CDON: variants seen among roughly 807,000 people sequenced by gnomAD.
CDON encodes cell adhesion molecule-related/down-regulated by oncogenes.
A neutral mutation model predicts 120.9 loss-of-function variants in CDON; 73 were observed. The ratio of observed to expected loss-of-function variants is 0.60; its 90% CI spans 0.50 to 0.73. The LOEUF (loss-of-function observed/expected upper bound fraction) is 0.73. CDON is among the 30% of genes least tolerant of loss of function. The pLI is 0.00. For missense variants in CDON, 1,470 were observed against 1,587.3 expected (o/e 0.93, Z 1.26); for synonymous variants, 566 against 573.5 (o/e 0.99, Z 0.19).
intron 14 of CDON, among the ~76,000 whole-genome samples, chr11:125,992,147 A>G (rs1220652424): frequency 6.6e-6 from 1 of 152,132 alleles, no homozygotes; most frequent in Non-Finnish European, 1.5e-5. Context: ...TCTGTCAAAA[A>G]ATTCTTAAAA....
At chr11:126,050,963 G>C (rs1311504552) in intron 1 of CDON, among the ~76,000 whole-genome samples, 1 of 152,076 alleles carries the variant, frequency 6.6e-6, no homozygotes, top group Non-Finnish European at 1.5e-5. Context: ...GTATTTCTCA[G>C]TGAATGAGAA....
chr11:125,964,163 C>G (rs527843626), intron 18 of CDON, among the ~76,000 whole-genome samples: 1 of 152,328 alleles, frequency 6.6e-6, no homozygotes, highest in Admixed American at 6.5e-5. Flanking sequence ...TGCATGGAAT[C>G]TACAGACTCT....
rs1381871783 is a variant in CDON, at chr11:126,062,766, C to CGCTGG, written c.-254_-250dup. On this transcript the variant is annotated 5_prime_UTR_variant, in exon 1 of 20. Coordinates refer to ENST00000531738, the MANE Select transcript of CDON (RefSeq NM_001378964.1). ...GGCGCCTCGCACGCCGGGGCTGGGG[C>CGCTGG]GCTGGGCAGGGCGGGCGGGCGTGGG... The CGCTGG allele has an allele frequency of 3.3e-5, 5 of 151,790 alleles. No individual in the cohort carries two copies. Among genetic ancestry groups the CGCTGG allele is most frequent in the Admixed American group, 6.6e-5 (1 of 15,222 alleles). 9.4% of individuals were successfully genotyped at this position (151,790 alleles called of 1,614,324 possible).
At position 125,994,974 on chromosome 11, in the gene CDON, T is replaced by C. The variant is rs1555120762; in HGVS notation, c.2441A>G (p.Gln814Arg). 5.0e-6 allele frequency: 8 copies of C among 1,614,174 alleles called. No homozygotes were observed. The highest frequency in any genetic ancestry group is 6.8e-6 in the Non-Finnish European group (8 of 1,180,002). Residue 814 changes from glutamine (Q) to arginine (R), a missense_variant, in exon 13 of 20, where the codon CAA (glutamine) becomes CGA (arginine). Physicochemically the swap from Gln to Arg is conservative, Grantham distance 43. Coordinates refer to ENST00000531738, the MANE Select transcript of CDON (RefSeq NM_001378964.1). ...AAAGCGATTGGGGAACCCAACCACT[T>C]GATAAGGACGAGATGCTGAACTCCG... Reference protein sequence around the residue: ...SFRSSASRPYQVVGFPNRFSS... With the variant: ...SFRSSASRPYRVVGFPNRFSS...
intron 5 of CDON, 125 bp from the exon 6 acceptor site, chr11:126,017,500 T>A: frequency 1.1e-6 from 1 of 926,448 alleles, no homozygotes; most frequent in Non-Finnish European, 1.7e-6. Context: ...ATTTGGTGGT[T>A]AAATCCTTTT....
intron 16 of CDON, among the ~76,000 whole-genome samples, chr11:125,983,541 C>T (rs1479765362): frequency 6.6e-6 from 1 of 152,204 alleles, no homozygotes; most frequent in African/African-American, 2.4e-5. Flanking sequence ...GGTGTTCCTA[C>T]AGCAATTCCA....
chr11:125,961,101 G>A lies in CDON; in HGVS notation c.3636C>T (p.Asp1212=). The stretch of plus-strand genomic sequence containing the variant: ...TCTCTGTTTCTGAATGGGCACAGCT[G>A]TCTCCTGAAACACAGCAGGGTTTGG... ...SEDPAEFSRG[D]SCAHSETEIN... Residue 1212 remains aspartate (D), a synonymous_variant, in exon 20 of 20, where the codon GAC becomes GAT. Coordinates refer to ENST00000531738, the MANE Select transcript of CDON (RefSeq NM_001378964.1). 1.2e-6 allele frequency: 2 copies of A among 1,613,762 alleles called. No individual in the cohort carries two copies. Among genetic ancestry groups the A allele is most frequent in the Non-Finnish European group, 1.7e-6 (2 of 1,179,802 alleles).
rs186612706 is a variant in CDON at position 125,999,947 on chromosome 11, G to A, written c.2158+1772C>T. Among the ~76,000 whole-genome samples, 20 of 152,228 alleles carry A rather than the reference G, an allele frequency of 1.3e-4. No individual in the cohort carries two copies. In the South Asian group the frequency reaches 1.7e-3, roughly 13 times the overall value. On this transcript the variant is annotated intron_variant, in intron 11 of 19. Transcript: ENST00000531738. ...TAATAGAACATATCAGCCACTTGTCGAGATGTCTTTGCTAGAAACTCTTTT... is the reference window on the plus strand; with the variant it reads ...TAATAGAACATATCAGCCACTTGTCAAGATGTCTTTGCTAGAAACTCTTTT...
chr11:126,021,590 T>A, intron 2 of CDON, 70 bp from the exon 3 acceptor site: 1 of 1,279,702 alleles, frequency 7.8e-7, no homozygotes, highest in Non-Finnish European at 1.1e-6. Context: ...AAGATTACAT[T>A]AAACACATTT....
intron 1 of CDON, among the ~76,000 whole-genome samples, chr11:126,058,550 G>A (rs1458356335): frequency 1.3e-5 from 2 of 152,212 alleles, no homozygotes; most frequent in Admixed American, 1.3e-4. Context: ...CTACATGGGA[G>A]TAGGACGGAA....
At chr11:125,965,219 T>C (rs1945761813) in intron 18 of CDON, among the ~76,000 whole-genome samples, 1 of 152,152 alleles carries the variant, frequency 6.6e-6, no homozygotes, top group Non-Finnish European at 1.5e-5. Flanking sequence ...GCGTAAGCCA[T>C]CACGCCTGGC....
intron 1 of CDON, among the ~76,000 whole-genome samples, chr11:126,030,738 T>C (rs1195963945): frequency 6.6e-6 from 1 of 152,222 alleles, no homozygotes; most frequent in African/African-American, 2.4e-5. Flanking sequence ...TCAAGATTAG[T>C]GCAGTCCAAT....
intron 9 of CDON, chr11:126,005,487 G>A: frequency 2.1e-6 from 1 of 487,140 alleles, no homozygotes; most frequent in South Asian, 2.2e-5. Context: ...TGGTTATAGA[G>A]CTTTATGTTG....
In CDON at chr11:126,004,050, TC is replaced by T; in HGVS notation, c.1877del (p.Gly626GlufsTer17). 1 of 1,613,904 alleles carries T rather than the reference TC, an allele frequency of 6.2e-7. No individual in the cohort carries two copies. The highest frequency in any genetic ancestry group is 1.1e-5 in the South Asian group (1 of 91,068). Reference sequence around the variant, plus strand: ...CTGGGACTCGAACCGTGTGCCAGCTTCCCAGCATGCCAACCCCATCATCCAG... The same window carrying T: ...CTGGGACTCGAACCGTGTGCCAGCTTCCAGCATGCCAACCCCATCATCCAG... ...RKLDDGVGML[G>X]SWHTVRVPGS... is the part of the protein sequence containing the mutation. On this transcript the variant is annotated frameshift_variant, in exon 10 of 20. Transcript: ENST00000531738. LOFTEE classifies it high-confidence loss of function.
chr11:126,001,904 G>A, intron 10 of CDON, 54 bp from the exon 11 acceptor site: 2 of 1,340,624 alleles, frequency 1.5e-6, no homozygotes, highest in African/African-American at 1.4e-5. Flanking sequence ...TATGTAAAGT[G>A]GAAAAAAAAG....
intron 18 of CDON, among the ~76,000 whole-genome samples, chr11:125,965,910 G>C (rs541900910): frequency 6.6e-6 from 1 of 152,180 alleles, no homozygotes; most frequent in African/African-American, 2.4e-5. Context: ...CGAGGCAGAC[G>C]GATCACCTGA....
chr11:125,956,870 C>T lies in CDON; in HGVS notation c.*4072G>A. ...TATTAGATAAGGGGTTTCGGCTACC[C>T]TCAAAGCTCTCAGGACTGGGGCTAG... On this transcript the variant is annotated 3_prime_UTR_variant, in exon 20 of 20. Transcript: ENST00000531738. 1 of 985,366 alleles carries T rather than the reference C, an allele frequency of 1.0e-6. No homozygotes were observed. The highest frequency in any genetic ancestry group is 1.2e-6 in the Non-Finnish European group (1 of 829,872). The allele number at this position is 985,366 out of a possible 1,614,324, so 61.0% of individuals were successfully genotyped here. A position where few individuals can be genotyped will look rare whatever the true frequency, so the allele number is the denominator to read the frequency against.
intron 4 of CDON, 127 bp downstream of exon 4, chr11:126,019,492 G>A: frequency 1.0e-6 from 1 of 984,128 alleles, no homozygotes; most frequent in Non-Finnish European, 1.6e-6. Flanking sequence ...GTAACCATTT[G>A]TTTTAGTCCT....
At chr11:125,984,124 C>T in intron 15 of CDON, 31 bp from the exon 16 acceptor site, 1 of 1,435,110 alleles carries the variant, frequency 7.0e-7, no homozygotes, top group African/African-American at 1.4e-5. Flanking sequence ...AACATGATGT[C>T]AGAGTGAATA....
Sources: allele counts gnomAD v4.1 joint callset (sites outside exome capture counted in the v4.1 genomes callset), GRCh38; gene constraint gnomAD v4.1.1; transcripts MANE v1.5; gene names NCBI Gene and HGNC (gene_info 2026-07-23, HGNC 2026-07-21).